EIF4E: variants seen among roughly 807,000 people sequenced by gnomAD.
EIF4E encodes the protein eIF-4F 25 kDa subunit.
For missense variants in EIF4E, 113 were observed against 265.6 expected, an observed-to-expected ratio of 0.43 and a Z score of 3.99; for synonymous variants, 71 against 88.5, an observed-to-expected ratio of 0.80 and a Z score of 1.11.
At chr4:98,890,930 T>G (rs1334658161) in intron 3 of EIF4E, 2 of 397,028 alleles carry the variant, frequency 5.0e-6, no homozygotes, top group Non-Finnish European at 9.2e-6. Context: ...GAGGCAAATG[T>G]ATCTTGGCAA....
intron 6 of EIF4E, 64 bp downstream of exon 6, chr4:98,884,853 CAAATA>C (rs1723850006): frequency 1.9e-6 from 3 of 1,576,550 alleles, no homozygotes; most frequent in East Asian, 2.2e-5. Flanking sequence ...TCTAAAGCTA[CAAATA>C]AAATAACTTC....
intron 3 of EIF4E, chr4:98,890,937 G>A (rs1724119046): frequency 2.5e-6 from 1 of 406,014 alleles, no homozygotes; most frequent in Non-Finnish European, 4.5e-6. Flanking sequence ...ATGTATCTTG[G>A]CAACCAGGAG....
chr4:98,924,568 A>G (rs1031026331), intron 1 of EIF4E, among the ~76,000 whole-genome samples: 16 of 152,072 alleles, frequency 1.1e-4, no homozygotes, highest in African/African-American at 3.1e-4. Context: ...CTCAGATTAT[A>G]AAATGAAGTG....
intron 2 of EIF4E, among the ~76,000 whole-genome samples, chr4:98,896,501 A>AC (rs1379718035): frequency 2.0e-5 from 3 of 148,614 alleles, no homozygotes; most frequent in African/African-American, 5.0e-5. Flanking sequence ...AAAAAAAAAA[A>AC]AAAAAAAAAC....
intron 2 of EIF4E, among the ~76,000 whole-genome samples, chr4:98,893,352 C>T (rs1560638025): frequency 6.6e-6 from 1 of 152,170 alleles, no homozygotes; most frequent in Non-Finnish European, 1.5e-5. Context: ...ATTGACTCTT[C>T]ATTTCACAAA....
chr4:98,898,552 T>C (rs905417435), intron 2 of EIF4E, among the ~76,000 whole-genome samples: 1 of 149,448 alleles, frequency 6.7e-6, no homozygotes, highest in African/African-American at 2.5e-5. Flanking sequence ...AGGTCCAGCC[T>C]GGGCGACAGG....
intron 1 of EIF4E, among the ~76,000 whole-genome samples, chr4:98,911,661 CAAAAAA>C (rs767631331): frequency 3.0e-4 from 18 of 60,048 alleles, no homozygotes; most frequent in African/African-American, 9.9e-4. Context: ...AACTCTGTCT[CAAAAAA>C]AAAAAAAAAA....
At chr4:98,886,368 T>G (rs1723921700) in intron 5 of EIF4E, 1 of 342,066 alleles carries the variant, frequency 2.9e-6, no homozygotes, top group South Asian at 2.3e-5. Flanking sequence ...TATCACAACA[T>G]GTAGGTCAAA....
At chr4:98,909,240 T>C (rs1049068096) in intron 1 of EIF4E, among the ~76,000 whole-genome samples, 5 of 152,234 alleles carry the variant, frequency 3.3e-5, no homozygotes, top group East Asian at 3.8e-4. Flanking sequence ...GTCAAATATC[T>C]CACATATACA....
intron 1 of EIF4E, among the ~76,000 whole-genome samples, chr4:98,911,713 T>C (rs1725149216): frequency 6.7e-6 from 1 of 150,346 alleles, no homozygotes; most frequent in Admixed American, 6.7e-5. Flanking sequence ...CTTTTAACAT[T>C]TTAAAATAAA....
At chr4:98,893,435 A>C (rs1724240594) in intron 2 of EIF4E, among the ~76,000 whole-genome samples, 1 of 152,156 alleles carries the variant, frequency 6.6e-6, no homozygotes, top group Non-Finnish European at 1.5e-5. Context: ...ATTGGAGTCA[A>C]TCCTCCCAAA....
At chr4:98,912,228 G>A (rs377496823) in intron 1 of EIF4E, among the ~76,000 whole-genome samples, 17 of 147,204 alleles carry the variant, frequency 1.2e-4, no homozygotes, top group Admixed American at 2.8e-4. Flanking sequence ...CTCCAGCCTA[G>A]ATAACAAGAG....
At chr4:98,900,433 G>A (rs776290646) in intron 2 of EIF4E, among the ~76,000 whole-genome samples, 3 of 152,058 alleles carry the variant, frequency 2.0e-5, no homozygotes, top group Non-Finnish European at 4.4e-5. Context: ...ATTTCAGTAG[G>A]TCTTCCATGA....
At chr4:98,901,855 C>T in intron 2 of EIF4E, 21 bp downstream of exon 2, 1 of 1,605,192 alleles carries the variant, frequency 6.2e-7, no homozygotes, top group Non-Finnish European at 8.5e-7. Flanking sequence ...ACTCAGAAAA[C>T]CTAGGTGTTA....
chr4:98,897,165 A>C (rs568703414), intron 2 of EIF4E, among the ~76,000 whole-genome samples: 17 of 152,266 alleles, frequency 1.1e-4, no homozygotes, highest in Admixed American at 3.9e-4. Context: ...ACAGTAGTTA[A>C]ATCTGCTGGT....
intron 2 of EIF4E, among the ~76,000 whole-genome samples, chr4:98,897,977 C>A (rs1025895055): frequency 2.6e-5 from 4 of 152,100 alleles, no homozygotes; most frequent in Non-Finnish European, 5.9e-5. Context: ...GAGATCCATT[C>A]CAGATGCAAG....
At chr4:98,902,995 C>G (rs1005082018) in intron 1 of EIF4E, among the ~76,000 whole-genome samples, 6 of 152,180 alleles carry the variant, frequency 3.9e-5, no homozygotes, top group Admixed American at 1.3e-4. Context: ...TGGAACCTAA[C>G]AAGATGGACA....
At chr4:98,898,053 T>A (rs1334069166) in intron 2 of EIF4E, among the ~76,000 whole-genome samples, 1 of 152,166 alleles carries the variant, frequency 6.6e-6, no homozygotes, top group Non-Finnish European at 1.5e-5. Context: ...TGGTTTCAGA[T>A]TCCACATTGC....
At position 98,888,485 on chromosome 4, in the gene EIF4E, C is replaced by A. The variant is rs1455211636; in HGVS notation, c.222-533G>T. Among the ~76,000 whole-genome samples the A allele has an allele frequency of 5.3e-5, 8 of 152,064 alleles. No individual in the cohort carries two copies. The East Asian group carries it at 9.6e-4, about 18-fold the overall frequency. On this transcript the variant is annotated intron_variant, in intron 3 of 6. Coordinates refer to ENST00000450253, the MANE Select transcript of EIF4E (RefSeq NM_001968.5). ...GTCACTGGTTAGTCAACATAATAAT[C>A]ATTTTAAAACTGATTTTAGAAAAAT...
Sources: gnomAD v4.1 joint callset for allele counts (sites outside exome capture counted in the v4.1 genomes callset) on GRCh38, gnomAD v4.1.1 for gene constraint, MANE v1.5 for transcripts, NCBI Gene and HGNC (gene_info 2026-07-23, HGNC 2026-07-21) for gene names.